The following OR7E24 variants were observed in gnomAD, a reference collection of about 807,000 sequenced individuals.
OR7E24 encodes olfactory receptor family 7 subfamily E member 24.
For synonymous variants in OR7E24, 130 were observed against 157.5 expected (o/e 0.83, Z 1.31); for missense variants, 385 against 410.3 (o/e 0.94, Z 0.53).
chr19:9,248,429 C>T (rs1283135927), upstream of OR7E24, among the ~76,000 whole-genome samples: 2 of 152,118 alleles, frequency 1.3e-5, no homozygotes, highest in Admixed American at 1.3e-4. Context: ...GCCACATTTG[C>T]ACCAGGCAGT....
the OR7E24 span, among the ~76,000 whole-genome samples, chr19:9,221,026 G>A: frequency 6.6e-6 from 1 of 152,054 alleles, no homozygotes; most frequent in Non-Finnish European, 1.5e-5. Context: ...TGTAATCCCA[G>A]CACTTTGGGA....
the OR7E24 span, chr19:9,235,534 CA>C: frequency 2.6e-6 from 4 of 1,545,070 alleles, no homozygotes; most frequent in Non-Finnish European, 2.7e-6. Flanking sequence ...CCACCCACTG[CA>C]GTACATGGTC....
chr19:9,214,631 A>C, the OR7E24 span: 20 of 1,614,172 alleles, frequency 1.2e-5, no homozygotes, highest in South Asian at 1.6e-4. Context: ...AACAGATGTC[A>C]ACAAAGGACA....
chr19:9,238,598 C>A, the OR7E24 span, among the ~76,000 whole-genome samples: 1 of 152,098 alleles, frequency 6.6e-6, no homozygotes, highest in Non-Finnish European at 1.5e-5. Context: ...TAACTATATT[C>A]ATCATAAAGT....
chr19:9,241,307 G>A, the OR7E24 span, among the ~76,000 whole-genome samples: 3 of 152,176 alleles, frequency 2.0e-5, no homozygotes, highest in African/African-American at 7.2e-5. Context: ...GTGGTTGTCA[G>A]AGAGATCATT....
At chr19:9,215,845 A>G in the OR7E24 span, among the ~76,000 whole-genome samples, 1 of 152,214 alleles carries the variant, frequency 6.6e-6, no homozygotes, top group Non-Finnish European at 1.5e-5. Flanking sequence ...TTTTAGAATA[A>G]AATTCTGATC....
At chr19:9,207,746 T>C in the OR7E24 span, 8 of 152,284 alleles carry the variant, frequency 5.3e-5, no homozygotes, top group African/African-American at 1.9e-4. Flanking sequence ...AGCTCTTTCA[T>C]GCTAGGTTGG....
At chr19:9,214,230 GT>G in the OR7E24 span, 1 of 1,614,008 alleles carries the variant, frequency 6.2e-7, no homozygotes, top group Non-Finnish European at 8.5e-7. Flanking sequence ...CAGCAGTGCC[GT>G]GGCCACATAC....
At chr19:9,221,187 A>G in the OR7E24 span, among the ~76,000 whole-genome samples, 3 of 149,384 alleles carry the variant, frequency 2.0e-5, no homozygotes, top group African/African-American at 7.4e-5. Flanking sequence ...CAGGAGAATG[A>G]CTTCAACCCG....
At chr19:9,221,340 CTTTTTT>C in the OR7E24 span, among the ~76,000 whole-genome samples, 3 of 81,180 alleles carry the variant, frequency 3.7e-5, no homozygotes, top group African/African-American at 1.5e-4. Flanking sequence ...GTCTTTTGCC[CTTTTTT>C]TTTTTTTTTT....
chr19:9,234,172 G>T, the OR7E24 span, among the ~76,000 whole-genome samples: 1 of 152,168 alleles, frequency 6.6e-6, no homozygotes, highest in Non-Finnish European at 1.5e-5. Context: ...AAGGTGGTGG[G>T]ATTACAGGCG....
the OR7E24 span, chr19:9,213,995 G>T: frequency 9.9e-6 from 16 of 1,614,118 alleles, no homozygotes; most frequent in Non-Finnish European, 1.4e-5. Context: ...GCATGGGGGT[G>T]ACCATGGCGT....
chr19:9,237,915 ATTGAACATTTCCAG>A, the OR7E24 span, among the ~76,000 whole-genome samples: 4 of 152,298 alleles, frequency 2.6e-5, no homozygotes, highest in Non-Finnish European at 5.9e-5. Flanking sequence ...AAGCTGGCAC[ATTGAACATTTCCAG>A]CAATGTATAA....
chr19:9,236,766 A>G, the OR7E24 span, among the ~76,000 whole-genome samples: 1 of 152,110 alleles, frequency 6.6e-6, no homozygotes, highest in African/African-American at 2.4e-5. Context: ...TCAAATGCTG[A>G]CACGCGTCCT....
the OR7E24 span, chr19:9,213,067 T>C: frequency 6.6e-6 from 1 of 152,250 alleles, no homozygotes; most frequent in Non-Finnish European, 1.5e-5. Context: ...CGAAATGTTT[T>C]CAGGATTGAA....
At chr19:9,233,246 G>A in the OR7E24 span, among the ~76,000 whole-genome samples, 1 of 152,086 alleles carries the variant, frequency 6.6e-6, no homozygotes, top group African/African-American at 2.4e-5. Context: ...ATATCTCTAG[G>A]CATCAGTATC....
chr19:9,230,289 C>T, the OR7E24 span, among the ~76,000 whole-genome samples: 1 of 152,088 alleles, frequency 6.6e-6, no homozygotes, highest in Non-Finnish European at 1.5e-5. Flanking sequence ...AGGTGATCCC[C>T]CTGCTTTGGC....
chr19:9,235,446 G>A, the OR7E24 span: 2 of 1,607,078 alleles, frequency 1.2e-6, no homozygotes, highest in African/African-American at 2.7e-5. Flanking sequence ...TCACTCAGGT[G>A]TATTTTTAAA....
the OR7E24 span, chr19:9,214,622 A>G: frequency 1.9e-6 from 3 of 1,614,188 alleles, no homozygotes; most frequent in African/African-American, 4.0e-5. Flanking sequence ...TGGAGATGAA[A>G]CAGATGTCAA....
Sources: gnomAD v4.1 joint callset for allele counts (sites outside exome capture counted in the v4.1 genomes callset) on GRCh38, gnomAD v4.1.1 for gene constraint, MANE v1.5 for transcripts, NCBI Gene and HGNC (gene_info 2026-07-23, HGNC 2026-07-21) for gene names.